Variants in IL1RAPL1 observed in about 807,000 individuals in gnomAD.
The protein encoded by IL1RAPL1 is interleukin-1 receptor accessory protein-like 1.
A neutral mutation model predicts 48.4 loss-of-function variants in IL1RAPL1; 3 were observed. The ratio of observed to expected loss-of-function variants is 0.06; its 90% CI spans 0.03 to 0.16. The LOEUF (loss-of-function observed/expected upper bound fraction) is 0.16. IL1RAPL1 is among the 10% of genes least tolerant of loss of function. The pLI, the probability that IL1RAPL1 is intolerant of heterozygous loss-of-function variation, is 1.00. For missense variants in IL1RAPL1, 349 were observed against 530.6 expected (o/e 0.66, Z 3.36); for synonymous variants, 185 against 187.7 (o/e 0.99, Z 0.12).
At chrX:28,730,876 G>T (rs760227752) in intron 1 of IL1RAPL1, among the ~76,000 whole-genome samples, 1 of 111,823 alleles carries the variant, frequency 8.9e-6, no homozygotes, top group Non-Finnish European at 1.9e-5. Flanking sequence ...AATTACAGAA[G>T]TGTAAATTTG....
chrX:29,169,494 A>C (rs1010086810), intron 2 of IL1RAPL1, among the ~76,000 whole-genome samples: 1 of 110,820 alleles, frequency 9.0e-6, no homozygotes, highest in African/African-American at 3.3e-5. Flanking sequence ...CCAAAATCTC[A>C]TATGAAAAAA....
At chrX:29,220,029 T>C (rs913152075) in intron 2 of IL1RAPL1, among the ~76,000 whole-genome samples, 3 of 110,730 alleles carry the variant, frequency 2.7e-5, no homozygotes, top group African/African-American at 6.6e-5. Context: ...ACTAAGATGA[T>C]AGGGAGAGAG....
At chrX:29,431,497 C>T (rs1398491116) in intron 5 of IL1RAPL1, among the ~76,000 whole-genome samples, 1 of 111,559 alleles carries the variant, frequency 9.0e-6, no homozygotes, top group Admixed American at 9.6e-5. Context: ...AACACACTAG[C>T]CCAGAATTAT....
intron 2 of IL1RAPL1, among the ~76,000 whole-genome samples, chrX:29,175,227 A>G (rs1929991210): frequency 9.0e-6 from 1 of 111,651 alleles, no homozygotes; most frequent in Non-Finnish European, 1.9e-5. Context: ...AAGAAAAATG[A>G]TGGTCATCCT....
intron 6 of IL1RAPL1, among the ~76,000 whole-genome samples, chrX:29,756,285 G>A (rs1294453934): frequency 8.9e-6 from 1 of 111,878 alleles, no homozygotes; most frequent in Non-Finnish European, 1.9e-5. Flanking sequence ...TGGGAAAATT[G>A]GGAAGTATAC....
chrX:28,733,750 G>A (rs1935785326), intron 1 of IL1RAPL1, among the ~76,000 whole-genome samples: 1 of 111,150 alleles, frequency 9.0e-6, no homozygotes, highest in African/African-American at 3.3e-5. Flanking sequence ...TAGTACTGTG[G>A]TTTTAAATAT....
At chrX:29,884,525 A>G (rs1043408638) in intron 6 of IL1RAPL1, among the ~76,000 whole-genome samples, 3 of 110,774 alleles carry the variant, frequency 2.7e-5, no homozygotes, top group African/African-American at 9.9e-5. Context: ...GCAGTGCCCC[A>G]GGGCTTAATC....
At chrX:29,873,692 A>G (rs894155869) in intron 6 of IL1RAPL1, among the ~76,000 whole-genome samples, 2 of 111,875 alleles carry the variant, frequency 1.8e-5, no homozygotes, top group Non-Finnish European at 3.8e-5. Flanking sequence ...TTTTTGTTAT[A>G]ACAACTTAAA....
intron 3 of IL1RAPL1, among the ~76,000 whole-genome samples, chrX:29,340,473 C>A (rs1933058754): frequency 8.9e-6 from 1 of 112,124 alleles, no homozygotes; most frequent in Non-Finnish European, 1.9e-5. Flanking sequence ...TTTCACTTAG[C>A]ATAATCTTTT....
At chrX:28,780,258 A>G (rs1464597235) in intron 1 of IL1RAPL1, among the ~76,000 whole-genome samples, 4 of 109,357 alleles carry the variant, frequency 3.7e-5, no homozygotes, top group Non-Finnish European at 7.6e-5. Context: ...TTAAAGTAGT[A>G]TTAGGTGGAT....
At chrX:29,203,786 C>T (rs979438094) in intron 2 of IL1RAPL1, among the ~76,000 whole-genome samples, 11 of 100,786 alleles carry the variant, frequency 1.1e-4, no homozygotes, top group East Asian at 3.2e-4. Flanking sequence ...GTCCACTGTA[C>T]TGTCAAACAC....
At chrX:29,416,758 AAAAC>A (rs1169730907) in intron 5 of IL1RAPL1, among the ~76,000 whole-genome samples, 3 of 111,581 alleles carry the variant, frequency 2.7e-5, no homozygotes, top group East Asian at 5.6e-4. Flanking sequence ...GTTCCTGGAA[AAAAC>A]AAACAAACAA....
chrX:28,637,132 T>C (rs1934475016), intron 1 of IL1RAPL1, among the ~76,000 whole-genome samples: 1 of 110,787 alleles, frequency 9.0e-6, no homozygotes, highest in Admixed American at 9.6e-5. Flanking sequence ...TGAAATTGGG[T>C]GAGATAAAAA....
intron 2 of IL1RAPL1, among the ~76,000 whole-genome samples, chrX:29,006,380 G>T (rs1039418832): frequency 9.1e-6 from 1 of 109,840 alleles, no homozygotes; most frequent in African/African-American, 3.3e-5. Context: ...CGGGCATGGT[G>T]GCAGGTGCCT....
At chrX:29,725,299 C>T (rs1463784971) in intron 6 of IL1RAPL1, among the ~76,000 whole-genome samples, 1 of 111,201 alleles carries the variant, frequency 9.0e-6, no homozygotes, top group East Asian at 2.8e-4. Context: ...CTTTCACCCT[C>T]CTTCTACTGT....
At chrX:28,826,495 A>G (rs1282927750) in intron 2 of IL1RAPL1, among the ~76,000 whole-genome samples, 1 of 111,312 alleles carries the variant, frequency 9.0e-6, no homozygotes, top group African/African-American at 3.3e-5. Flanking sequence ...TTTATTAAGT[A>G]TCCACATTTT....
At chrX:29,375,601 C>T (rs1933612011) in intron 3 of IL1RAPL1, among the ~76,000 whole-genome samples, 1 of 111,772 alleles carries the variant, frequency 8.9e-6, no homozygotes, top group Non-Finnish European at 1.9e-5. Context: ...CCTAAGGAAA[C>T]GACCCTCTAA....
intron 5 of IL1RAPL1, among the ~76,000 whole-genome samples, chrX:29,546,739 A>G (rs757957036): frequency 8.9e-6 from 1 of 111,964 alleles, no homozygotes; most frequent in South Asian, 3.7e-4. Flanking sequence ...TATCAGAAGT[A>G]CCTAAAAGAA....
chrX:28,800,920 C>T (rs1309874108), intron 2 of IL1RAPL1, among the ~76,000 whole-genome samples: 1 of 107,829 alleles, frequency 9.3e-6, no homozygotes, highest in Non-Finnish European at 1.9e-5. Context: ...CTTGCCCTGT[C>T]GCCCAGGCTG....
Sources: allele counts gnomAD v4.1 joint callset (sites outside exome capture counted in the v4.1 genomes callset), GRCh38; gene constraint gnomAD v4.1.1; transcripts MANE v1.5; gene names NCBI Gene and HGNC (gene_info 2026-07-23, HGNC 2026-07-21).